The following TRIM61 variants were observed in gnomAD, a reference collection of about 807,000 sequenced individuals.
TRIM61 encodes the protein putative tripartite motif-containing protein 61.
Under a neutral mutation model 14.2 loss-of-function variants are expected in TRIM61, and 1 was observed. The ratio of observed to expected loss-of-function variants is 0.07; its 90% CI spans 0.03 to 0.33. The LOEUF (loss-of-function observed/expected upper bound fraction) is 0.33, where lower values mean the gene tolerates loss of function less well. Ranked by LOEUF, TRIM61 falls within the 10% of genes least tolerant of loss-of-function variation. The pLI is 0.99. For synonymous variants in TRIM61, 8 were observed against 71.6 expected, an observed-to-expected ratio of 0.11 and a Z score of 4.49; for missense variants, 19 against 202.2, an observed-to-expected ratio of 0.09 and a Z score of 5.49.
At chr4:164,972,472 C>A (rs1310092416) in intron 2 of TRIM61, among the ~76,000 whole-genome samples, 1 of 150,104 alleles carries the variant, frequency 6.7e-6, no homozygotes, top group Non-Finnish European at 1.5e-5. Context: ...CCTAGACTAC[C>A]CCAAATTCAA....
chr4:164,956,995 A>G (rs1560881491), intron 3 of TRIM61: 4 of 1,459,490 alleles, frequency 2.7e-6, no homozygotes, highest in Non-Finnish European at 3.6e-6. Context: ...GACGTTGGAG[A>G]CCGGGGCAGC....
chr4:164,956,108 C>T (rs1486380456), intron 3 of TRIM61, among the ~76,000 whole-genome samples: 1 of 152,192 alleles, frequency 6.6e-6, no homozygotes, highest in Admixed American at 6.5e-5. Context: ...TTCTGTCGTC[C>T]AGACTGAGGT....
rs771003946 is a variant in TRIM61, at chr4:164,957,108, G to C, written c.526-2012C>G. On this transcript the variant is annotated intron_variant, in intron 3 of 4. Transcript: ENST00000329314. ...AGAGCCAGCCCTGCAGGGTGGGCTG[G>C]GCGAGCCAAACTGCGTTCCTGGTGC... 17 of 1,581,088 alleles carry C rather than the reference G, an allele frequency of 1.1e-5. No homozygotes were observed. In the Admixed American group the frequency reaches 1.8e-4, roughly 17 times the overall value.
intron 2 of TRIM61, among the ~76,000 whole-genome samples, chr4:164,974,170 A>C (rs1035045398): frequency 6.6e-6 from 1 of 152,172 alleles, no homozygotes; most frequent in East Asian, 1.9e-4. Flanking sequence ...GCTCTGTCTC[A>C]AAAAAGCAGC....
intron 3 of TRIM61, among the ~76,000 whole-genome samples, chr4:164,963,934 C>G (rs905519729): frequency 5.3e-5 from 8 of 151,742 alleles, no homozygotes; most frequent in African/African-American, 1.9e-4. Context: ...AATAAAAATG[C>G]AATATTTCAA....
chr4:164,957,205 A>T, intron 3 of TRIM61: 1 of 1,613,940 alleles, frequency 6.2e-7, no homozygotes. Flanking sequence ...CTTTGCTCAG[A>T]CATCCAGGGA....
intron 2 of TRIM61, among the ~76,000 whole-genome samples, chr4:164,971,646 A>G (rs1453122123): frequency 1.3e-5 from 2 of 152,104 alleles, no homozygotes; most frequent in African/African-American, 4.8e-5. Context: ...AAAGTTAACA[A>G]CAGGGGTGAA....
chr4:164,964,823 C>T (rs192849188), intron 3 of TRIM61, among the ~76,000 whole-genome samples: 139 of 152,286 alleles, frequency 9.1e-4, no homozygotes, highest in African/African-American at 3.3e-3. Context: ...ATGATTCTGT[C>T]TTTAAACTAT....
At chr4:164,955,591 C>G (rs199811735) in intron 3 of TRIM61, among the ~76,000 whole-genome samples, 8 of 116,062 alleles carry the variant, frequency 6.9e-5, no homozygotes, top group African/African-American at 2.6e-4. Context: ...AAAAAAAAAA[C>G]AAGTTTTCCA....
In TRIM61 at chr4:164,970,014, C is replaced by T; in HGVS notation, c.-12G>A. ...GTAACAAATTCCATTGAGACTTGAACAAAGATGGTAGGTAAGGTAATTCTT... is the reference window on the plus strand; with the variant it reads ...GTAACAAATTCCATTGAGACTTGAATAAAGATGGTAGGTAAGGTAATTCTT... On this transcript the variant is annotated 5_prime_UTR_variant, in exon 3 of 5. Coordinates refer to ENST00000329314, the MANE Select transcript of TRIM61 (RefSeq NM_001012414.3). 6.2e-7 allele frequency: 1 copy of T among 1,613,716 alleles called. No individual in the cohort carries two copies. The highest frequency in any genetic ancestry group is 8.5e-7 in the Non-Finnish European group (1 of 1,179,856).
At chr4:164,964,675 T>C (rs1732201718) in intron 3 of TRIM61, among the ~76,000 whole-genome samples, 1 of 152,182 alleles carries the variant, frequency 6.6e-6, no homozygotes, top group African/African-American at 2.4e-5. Flanking sequence ...AAGAATATTA[T>C]AGTGATTTTT....
At chr4:164,959,029 A>AT (rs1292412224) in intron 3 of TRIM61, 3 of 167,118 alleles carry the variant, frequency 1.8e-5, no homozygotes, top group African/African-American at 7.2e-5. Context: ...ATGACTATAT[A>AT]ATTGTTCACA....
chr4:164,970,740 T>C (rs1053254786), intron 2 of TRIM61, among the ~76,000 whole-genome samples: 3 of 151,984 alleles, frequency 2.0e-5, no homozygotes, highest in Non-Finnish European at 2.9e-5. Context: ...ACAAACATGA[T>C]AAATACAACG....
chr4:164,966,211 AAAGCATACTG>A (rs1732235902), intron 3 of TRIM61, among the ~76,000 whole-genome samples: 1 of 152,262 alleles, frequency 6.6e-6, no homozygotes, highest in Admixed American at 6.5e-5. Flanking sequence ...CATGGAATAC[AAAGCATACTG>A]AAGGTCAGTA....
In TRIM61 at chr4:164,970,023, T is replaced by C. The variant is rs532657069; in HGVS notation, c.-21A>G. ...TCCATTGAGACTTGAACAAAGATGG[T>C]AGGTAAGGTAATTCTTTTATTTTAG... On this transcript the variant is annotated 5_prime_UTR_variant, in exon 3 of 5. Transcript: ENST00000329314. 844 of 1,613,538 alleles carry C rather than the reference T, an allele frequency of 5.2e-4. 17 individuals carry two copies. The South Asian group carries it at 8.5e-3, about 16-fold the overall frequency.
intron 3 of TRIM61, chr4:164,957,076 C>G: frequency 1.3e-6 from 2 of 1,540,446 alleles, no homozygotes. Flanking sequence ...CCGGACCCAG[C>G]GCCTGGAGAG....
rs1323808002 is a variant in TRIM61, at chr4:164,954,488, A to G, written c.*297T>C. ...TTTATTTTTTAACCATCAGTTTTGT[A>G]TTATTAGAAAGATAAACATTCCAAT... is the stretch of plus-strand genomic sequence containing the variant. On this transcript the variant is annotated 3_prime_UTR_variant, in exon 5 of 5. Coordinates refer to ENST00000329314, the MANE Select transcript of TRIM61 (RefSeq NM_001012414.3). The G allele has an allele frequency of 1.3e-5, 2 of 152,252 alleles. No individual in the cohort carries two copies. Among genetic ancestry groups the G allele is most frequent in the Non-Finnish European group, 2.9e-5 (2 of 68,050 alleles). The allele number at this position is 152,252 out of a possible 1,614,324, so 9.4% of individuals were successfully genotyped here.
chr4:164,957,189 G>T, intron 3 of TRIM61: 1 of 1,613,696 alleles, frequency 6.2e-7, no homozygotes, highest in Non-Finnish European at 8.5e-7. Context: ...CGCCATGGCA[G>T]TGTCTCTTTG....
At chr4:164,957,678 C>G (rs1361776118) in intron 3 of TRIM61, 1 of 739,300 alleles carries the variant, frequency 1.4e-6, no homozygotes, top group Admixed American at 3.5e-5. Context: ...GCACTTTGTG[C>G]TTTATTCGGA....
Sources: gnomAD v4.1 joint callset for allele counts (sites outside exome capture counted in the v4.1 genomes callset) on GRCh38, gnomAD v4.1.1 for gene constraint, MANE v1.5 for transcripts, NCBI Gene and HGNC (gene_info 2026-07-23, HGNC 2026-07-21) for gene names.